Variants in NRG3 observed in about 807,000 individuals in gnomAD.
NRG3 encodes pro-neuregulin-3, membrane-bound isoform.
In NRG3, 31 loss-of-function variants were observed where a neutral mutation model predicts 66.9. The observed-to-expected ratio is 0.46, with a 90% CI of 0.35 to 0.63. NRG3 has a LOEUF of 0.63. NRG3 is among the 20% of genes least tolerant of loss of function. The pLI is 0.00. For synonymous variants in NRG3, 393 were observed against 359.4 expected (o/e 1.09, Z -1.06); for missense variants, 910 against 878.9 (o/e 1.04, Z -0.45).
intron 2 of NRG3, among the ~76,000 whole-genome samples, chr10:82,456,654 T>A (rs2091282116): frequency 6.6e-6 from 1 of 152,158 alleles, no homozygotes. Context: ...ATTTTGGGAT[T>A]TCTACTCTGA....
intron 1 of NRG3, among the ~76,000 whole-genome samples, chr10:82,356,828 C>T (rs145635564): frequency 6.6e-5 from 10 of 152,190 alleles, no homozygotes; most frequent in East Asian, 1.9e-4. Context: ...GTACAAAATG[C>T]GTTAACTTTT....
intron 1 of NRG3, among the ~76,000 whole-genome samples, chr10:82,182,959 C>T (rs1314023400): frequency 6.6e-6 from 1 of 151,932 alleles, no homozygotes; most frequent in Non-Finnish European, 1.5e-5. Context: ...TTTTTGACTG[C>T]AAGGTTTCTG....
chr10:82,611,535 T>C lies in NRG3; in HGVS notation c.954-127042T>C, dbSNP rs376694773. Among the ~76,000 whole-genome samples the C allele has an allele frequency of 3.2e-4, 49 of 152,258 alleles. No individual in the cohort carries two copies. The South Asian group carries it at 4.6e-3, about 14-fold the overall frequency. ...TATGTGGTGTTTGGTTTTCCGTCCT[T>C]GTGATAGTTTGCTGAGAATGATGGT... On this transcript the variant is annotated intron_variant, in intron 2 of 8. Transcript: ENST00000372141.
chr10:82,463,157 T>C (rs1380000030), intron 2 of NRG3, among the ~76,000 whole-genome samples: 1 of 152,192 alleles, frequency 6.6e-6, no homozygotes, highest in Non-Finnish European at 1.5e-5. Flanking sequence ...TCTGAGCACT[T>C]TTTGCTCCTG....
At chr10:82,958,867 A>G in intron 5 of NRG3, 82 bp from the exon 6 acceptor site, 1 of 1,395,992 alleles carries the variant, frequency 7.2e-7, no homozygotes, top group Non-Finnish European at 9.5e-7. Flanking sequence ...ACAAATATAG[A>G]CACTGGGAAT....
intron 1 of NRG3, among the ~76,000 whole-genome samples, chr10:82,344,455 G>A (rs2082871731): frequency 6.7e-6 from 1 of 149,234 alleles, no homozygotes; most frequent in South Asian, 2.1e-4. Context: ...TCTTAATCCA[G>A]TGTATCATTG....
At chr10:81,901,263 C>T (rs1844043823) in intron 1 of NRG3, among the ~76,000 whole-genome samples, 1 of 152,234 alleles carries the variant, frequency 6.6e-6, no homozygotes, top group African/African-American at 2.4e-5. Flanking sequence ...GAGGCAGAAG[C>T]AGAACTGCAG....
intron 1 of NRG3, among the ~76,000 whole-genome samples, chr10:82,200,441 A>G (rs2074735381): frequency 6.6e-6 from 1 of 152,210 alleles, no homozygotes; most frequent in Non-Finnish European, 1.5e-5. Flanking sequence ...TGTAATTAAC[A>G]AATGAAAGAA....
chr10:82,195,845 C>T (rs1187593030), intron 1 of NRG3, among the ~76,000 whole-genome samples: 1 of 152,154 alleles, frequency 6.6e-6, no homozygotes, highest in East Asian at 1.9e-4. Context: ...CTCGACTGGC[C>T]ATTTCTGGCT....
At chr10:81,911,335 G>A (rs777655815) in intron 1 of NRG3, among the ~76,000 whole-genome samples, 9 of 152,134 alleles carry the variant, frequency 5.9e-5, no homozygotes, top group Non-Finnish European at 1.0e-4. Context: ...ATGGTGCAAA[G>A]CCTGCTATGG....
At chr10:82,155,220 C>T (rs1322111663) in intron 1 of NRG3, among the ~76,000 whole-genome samples, 1 of 151,726 alleles carries the variant, frequency 6.6e-6, no homozygotes, top group African/African-American at 2.4e-5. Context: ...CACCTGTGCT[C>T]TTTAAATTGC....
intron 4 of NRG3, among the ~76,000 whole-genome samples, chr10:82,916,074 A>G (rs1845802339): frequency 6.6e-6 from 1 of 152,184 alleles, no homozygotes; most frequent in Non-Finnish European, 1.5e-5. Context: ...ATAAGGCTTT[A>G]CATTGGATAA....
intron 2 of NRG3, among the ~76,000 whole-genome samples, chr10:82,543,334 AGGGCTGATG>A (rs1358215098): frequency 6.6e-6 from 1 of 152,156 alleles, no homozygotes; most frequent in Non-Finnish European, 1.5e-5. Context: ...TAAAACATTC[AGGGCTGATG>A]GGGCATCATG....
At chr10:82,208,037 A>G (rs1185488785) in intron 1 of NRG3, among the ~76,000 whole-genome samples, 6 of 152,322 alleles carry the variant, frequency 3.9e-5, no homozygotes, top group Admixed American at 1.3e-4. Flanking sequence ...TATCTGCACT[A>G]TCTCATTTGA....
At chr10:82,013,763 A>G (rs1020827953) in intron 1 of NRG3, among the ~76,000 whole-genome samples, 1 of 152,124 alleles carries the variant, frequency 6.6e-6, no homozygotes, top group Non-Finnish European at 1.5e-5. Context: ...ACATGCAATT[A>G]TATGTCTAAT....
chr10:82,911,440 G>A (rs1195816593), intron 4 of NRG3, among the ~76,000 whole-genome samples: 1 of 151,886 alleles, frequency 6.6e-6, no homozygotes, highest in Non-Finnish European at 1.5e-5. Context: ...AATAAATGTA[G>A]TCCTATTCAG....
At chr10:82,898,325 T>A (rs888025769) in intron 4 of NRG3, among the ~76,000 whole-genome samples, 5 of 152,096 alleles carry the variant, frequency 3.3e-5, no homozygotes, top group Admixed American at 2.0e-4. Flanking sequence ...TCTCTCAGAG[T>A]CCAACTAAAA....
intron 2 of NRG3, among the ~76,000 whole-genome samples, chr10:82,371,772 G>A (rs540969235): frequency 6.6e-6 from 1 of 152,304 alleles, no homozygotes; most frequent in Admixed American, 6.5e-5. Context: ...GTGAAGGGGA[G>A]CATTATGTGC....
At chr10:82,594,926 G>A (rs2047186162) in intron 2 of NRG3, among the ~76,000 whole-genome samples, 1 of 151,806 alleles carries the variant, frequency 6.6e-6, no homozygotes, top group African/African-American at 2.4e-5. Context: ...GACAATAGAA[G>A]AATGATTGTA....
Sources: allele counts gnomAD v4.1 joint callset (sites outside exome capture counted in the v4.1 genomes callset), GRCh38; gene constraint gnomAD v4.1.1; transcripts MANE v1.5; gene names NCBI Gene and HGNC (gene_info 2026-07-23, HGNC 2026-07-21).